The following PARD3B variants were observed in gnomAD, a reference collection of about 807,000 sequenced individuals.
PARD3B encodes partitioning defective 3 homolog B.
PARD3B carries 103 observed loss-of-function variants against 130.2 expected under a neutral mutation model. The ratio of observed to expected loss-of-function variants is 0.79; its 90% CI spans 0.67 to 0.93. PARD3B has a LOEUF of 0.93. PARD3B is among the 40% of genes least tolerant of loss of function. The pLI is 0.00. For synonymous variants in PARD3B, 583 were observed against 553.2 expected, an observed-to-expected ratio of 1.05 and a Z score of -0.76; for missense variants, 1,609 against 1,499.2, an observed-to-expected ratio of 1.07 and a Z score of -1.21.
chr2:205,471,839 A>G (rs756939040), intron 20 of PARD3B, among the ~76,000 whole-genome samples: 1 of 152,220 alleles, frequency 6.6e-6, no homozygotes, highest in African/African-American at 2.4e-5. Flanking sequence ...GCAATAACAT[A>G]TATCTAGGGA....
intron 1 of PARD3B, among the ~76,000 whole-genome samples, chr2:204,667,824 G>C (rs761002271): frequency 3.3e-5 from 5 of 152,216 alleles, no homozygotes; most frequent in Non-Finnish European, 7.4e-5. Flanking sequence ...CTAAATAACA[G>C]TTTGGTTTAA....
At position 205,076,721 on chromosome 2, in the gene PARD3B, T is replaced by G. The variant is rs1324590125; in HGVS notation, c.505-27705T>G. On this transcript the variant is annotated intron_variant, in intron 4 of 22. Coordinates refer to ENST00000406610, the MANE Select transcript of PARD3B (RefSeq NM_001302769.2). Reference sequence around the variant, plus strand: ...AGGTTGTACGCTCCTTACGAGAATCTAACTAATGCCTGATGATCAGAGGTG... The same window carrying G: ...AGGTTGTACGCTCCTTACGAGAATCGAACTAATGCCTGATGATCAGAGGTG... Among the ~76,000 whole-genome samples, 5 of 152,126 alleles carry G rather than the reference T, an allele frequency of 3.3e-5. No homozygotes were observed. In the East Asian group the frequency reaches 9.6e-4, roughly 29 times the overall value.
rs1053595323 is a variant in PARD3B at position 205,368,642 on chromosome 2, G to A, written c.2631-32371G>A. Among the ~76,000 whole-genome samples the A allele has an allele frequency of 2.0e-5, 3 of 151,966 alleles. No homozygotes were observed. In the East Asian group the frequency reaches 5.8e-4, roughly 29 times the overall value. The stretch of plus-strand genomic sequence containing the variant: ...GCAAGATTCCGTCTCAAAAATAAAA[G>A]TTGTAAAATAAAAAATTCAAATAAA... On this transcript the variant is annotated intron_variant, in intron 18 of 22. Coordinates refer to ENST00000406610, the MANE Select transcript of PARD3B (RefSeq NM_001302769.2).
chr2:205,107,115 C>G (rs183183676), intron 5 of PARD3B, among the ~76,000 whole-genome samples: 1 of 152,328 alleles, frequency 6.6e-6, no homozygotes, highest in Non-Finnish European at 1.5e-5. Flanking sequence ...TGTCTTGTAA[C>G]TGTTTAATTT....
At chr2:205,213,430 C>A (rs1278738079) in intron 15 of PARD3B, among the ~76,000 whole-genome samples, 1 of 152,066 alleles carries the variant, frequency 6.6e-6, no homozygotes, top group African/African-American at 2.4e-5. Flanking sequence ...CTCCCTTCAC[C>A]ACTTAGCATG....
chr2:204,682,242 T>C (rs549688445), intron 1 of PARD3B, among the ~76,000 whole-genome samples: 2 of 152,326 alleles, frequency 1.3e-5, no homozygotes, highest in African/African-American at 2.4e-5. Flanking sequence ...AATTGTGCTT[T>C]GTATTAAGTT....
At chr2:205,155,763 A>C (rs2125705825) in intron 10 of PARD3B, among the ~76,000 whole-genome samples, 1 of 152,020 alleles carries the variant, frequency 6.6e-6, no homozygotes, top group Admixed American at 6.5e-5. Context: ...ATGGTATCTC[A>C]TTGTGGTTTT....
intron 13 of PARD3B, among the ~76,000 whole-genome samples, chr2:205,178,143 T>TAAAAAAACAAAAAAAAAAA (rs2035577590): frequency 4.8e-5 from 1 of 20,772 alleles, no homozygotes; most frequent in Non-Finnish European, 7.8e-5. Context: ...CCATCTGTAC[T>TAAAAAAACAAAAAAAAAAA]AAAAAAAAAA....
rs148810797 is a variant in PARD3B, at chr2:205,460,930, G to A, written c.3044+20258G>A. ...GGAGGCTACAGAAACCACTGATGAT[G>A]TATTCTGTACCAGCTTAGCCTCCAG... is the stretch of plus-strand genomic sequence containing the variant. On this transcript the variant is annotated intron_variant, in intron 20 of 22. Coordinates refer to ENST00000406610, the MANE Select transcript of PARD3B (RefSeq NM_001302769.2). The surrounding 1 kb of genome is among the most constrained non-coding windows in gnomAD (Gnocchi z 4.9). Among the ~76,000 whole-genome samples the A allele has an allele frequency of 1.9e-4, 29 of 152,278 alleles. No individual in the cohort carries two copies. The highest frequency in any genetic ancestry group is 6.7e-4 in the African/African-American group (28 of 41,556).
intron 19 of PARD3B, among the ~76,000 whole-genome samples, chr2:205,403,467 G>A (rs1188958386): frequency 6.6e-6 from 1 of 152,036 alleles, no homozygotes; most frequent in Non-Finnish European, 1.5e-5. Context: ...ACAGGTCTGT[G>A]ACAGCTATCT....
chr2:204,821,180 G>A (rs935832620), intron 2 of PARD3B, among the ~76,000 whole-genome samples: 2 of 152,126 alleles, frequency 1.3e-5, no homozygotes, highest in African/African-American at 2.4e-5. Context: ...ATTCCCACAT[G>A]TTGTGGGAGG....
At chr2:204,891,379 G>A (rs1041017569) in intron 2 of PARD3B, among the ~76,000 whole-genome samples, 3 of 152,088 alleles carry the variant, frequency 2.0e-5, no homozygotes, top group African/African-American at 7.2e-5. Context: ...TCCAGGTGCT[G>A]TAAACATTAT....
intron 2 of PARD3B, among the ~76,000 whole-genome samples, chr2:204,895,258 T>C (rs893848802): frequency 6.6e-6 from 1 of 152,152 alleles, no homozygotes; most frequent in African/African-American, 2.4e-5. Flanking sequence ...TTTGAATCAT[T>C]TTTAAAAGGC....
intron 19 of PARD3B, among the ~76,000 whole-genome samples, chr2:205,409,474 G>A (rs151190036): frequency 2.4e-4 from 37 of 152,000 alleles, no homozygotes; most frequent in African/African-American, 6.8e-4. Flanking sequence ...AAATGCTTGC[G>A]GTCACCAACA....
chr2:205,365,512 C>T (rs1164521789), intron 18 of PARD3B, among the ~76,000 whole-genome samples: 1 of 149,474 alleles, frequency 6.7e-6, no homozygotes, highest in East Asian at 2.0e-4. Flanking sequence ...TCTCTGCCCT[C>T]CAAGTGTCAC....
At chr2:205,363,549 T>TA (rs1192062458) in intron 18 of PARD3B, among the ~76,000 whole-genome samples, 3 of 152,166 alleles carry the variant, frequency 2.0e-5, no homozygotes, top group African/African-American at 7.2e-5. Context: ...CAAAGGGGTA[T>TA]AATTGAATAA....
chr2:204,774,613 T>A (rs1385096501), intron 2 of PARD3B, among the ~76,000 whole-genome samples: 2 of 152,164 alleles, frequency 1.3e-5, no homozygotes, highest in Non-Finnish European at 2.9e-5. Context: ...TCTCTCCCAC[T>A]TGTGCTACTA....
chr2:204,609,325 A>G (rs183026556), intron 1 of PARD3B, among the ~76,000 whole-genome samples: 14 of 152,256 alleles, frequency 9.2e-5, no homozygotes, highest in South Asian at 2.1e-4. Flanking sequence ...GAGACACCAA[A>G]CTCTGTAAAA....
chr2:205,019,968 G>A (rs1281235011), intron 3 of PARD3B, among the ~76,000 whole-genome samples: 1 of 151,994 alleles, frequency 6.6e-6, no homozygotes, highest in Non-Finnish European at 1.5e-5. Flanking sequence ...GAAAGGCAGG[G>A]GTGTGTTTGT....
Sources: gnomAD v4.1 joint callset for allele counts (sites outside exome capture counted in the v4.1 genomes callset) on GRCh38, gnomAD v4.1.1 for gene constraint, Gnocchi (gnomAD v3.1) non-coding constraint, MANE v1.5 for transcripts, NCBI Gene and HGNC (gene_info 2026-07-23, HGNC 2026-07-21) for gene names.